DCHS2: variants seen among roughly 807,000 people sequenced by gnomAD.
DCHS2 encodes protocadherin-23.
A neutral mutation model predicts 182.4 loss-of-function variants in DCHS2; 142 were observed. That is an observed-to-expected ratio of 0.78 (90% CI 0.68 to 0.89). The LOEUF (loss-of-function observed/expected upper bound fraction) is 0.89. Ranked by LOEUF, DCHS2 falls within the 40% of genes least tolerant of loss-of-function variation. DCHS2 has a pLI of 0.00. For synonymous variants in DCHS2, 1,740 were observed against 1,663.3 expected, an observed-to-expected ratio of 1.05 and a Z score of -1.12; for missense variants, 4,319 against 4,198.6, an observed-to-expected ratio of 1.03 and a Z score of -0.79.
At chr4:154,388,661 A>AT (rs1238072422) in intron 1 of DCHS2, among the ~76,000 whole-genome samples, 3 of 151,462 alleles carry the variant, frequency 2.0e-5, no homozygotes, top group African/African-American at 4.8e-5. Context: ...CGGCTGTCTA[A>AT]TTTTTTTTAT....
intron 17 of DCHS2, 110 bp downstream of exon 17, chr4:154,242,532 C>T: frequency 7.2e-7 from 1 of 1,384,598 alleles, no homozygotes; most frequent in Non-Finnish European, 9.4e-7. Flanking sequence ...ATCTAGTTTG[C>T]TTGGTTGTTG....
intron 1 of DCHS2, among the ~76,000 whole-genome samples, chr4:154,406,782 T>A (rs149618159): frequency 6.6e-6 from 1 of 152,238 alleles, no homozygotes; most frequent in South Asian, 2.1e-4. Flanking sequence ...TGCTATTGTG[T>A]TGGACAACAT....
chr4:154,484,441 C>A (rs780483070), intron 1 of DCHS2, among the ~76,000 whole-genome samples: 3 of 152,196 alleles, frequency 2.0e-5, no homozygotes, highest in African/African-American at 4.8e-5. Context: ...TGCGCAAACA[C>A]TGATATCTCC....
intron 14 of DCHS2, among the ~76,000 whole-genome samples, chr4:154,262,943 G>T (rs1246461796): frequency 6.6e-6 from 1 of 152,168 alleles, no homozygotes; most frequent in Non-Finnish European, 1.5e-5. Context: ...CACTAAAGTG[G>T]CATGAAGTTT....
intron 18 of DCHS2, 92 bp downstream of exon 18, chr4:154,240,445 T>C: frequency 1.4e-6 from 2 of 1,448,176 alleles, no homozygotes; most frequent in East Asian, 2.4e-5. Context: ...ATGCTGTCTA[T>C]CTGAATTAGT....
At chr4:154,270,761 A>C (rs1027218034) in intron 13 of DCHS2, among the ~76,000 whole-genome samples, 8 of 151,770 alleles carry the variant, frequency 5.3e-5, no homozygotes, top group African/African-American at 1.4e-4. Context: ...AGAGACATGG[A>C]CAGATTAAAG....
chr4:154,378,709 A>G (rs113358830), intron 1 of DCHS2, among the ~76,000 whole-genome samples: 10 of 152,324 alleles, frequency 6.6e-5, no homozygotes, highest in African/African-American at 2.4e-4. Flanking sequence ...CAAAGGTCAC[A>G]TAACGAATAA....
chr4:154,338,801 A>G lies in DCHS2; in HGVS notation c.2477-3697T>C, dbSNP rs1333191857. Among the ~76,000 whole-genome samples the G allele has an allele frequency of 2.6e-5, 4 of 152,180 alleles. No individual in the cohort carries two copies. The East Asian group carries it at 5.8e-4, about 22-fold the overall frequency. ...CATCTAGAAAGACTTTACACACTAC[A>G]TTTTATGTGAAAAACAAGTTGCAAA... On this transcript the variant is annotated intron_variant, in intron 3 of 19. Transcript: ENST00000357232.
intron 1 of DCHS2, among the ~76,000 whole-genome samples, chr4:154,426,196 T>C (rs1158847470): frequency 1.3e-5 from 2 of 152,166 alleles, no homozygotes; most frequent in Admixed American, 1.3e-4. Context: ...ACCAAAGTCC[T>C]TGAGTGACTA....
intron 1 of DCHS2, among the ~76,000 whole-genome samples, chr4:154,409,419 T>A (rs1273626384): frequency 6.6e-6 from 1 of 152,138 alleles, no homozygotes; most frequent in Non-Finnish European, 1.5e-5. Context: ...TAAATTGTGA[T>A]TGTACCCTGT....
chr4:154,258,367 C>CTTTTTTTTTT (rs771510956), intron 15 of DCHS2, among the ~76,000 whole-genome samples: 116 of 58,856 alleles, frequency 2.0e-3, no homozygotes, highest in Non-Finnish European at 2.3e-3. Context: ...AAAAGAAAGG[C>CTTTTTTTTTT]TTTTTTTTTT....
At chr4:154,402,710 A>C (rs571629953) in intron 1 of DCHS2, among the ~76,000 whole-genome samples, 1 of 152,306 alleles carries the variant, frequency 6.6e-6, no homozygotes, top group African/African-American at 2.4e-5. Flanking sequence ...TGCTAGAATA[A>C]GTTAAGACTT....
At chr4:154,432,046 G>C (rs938472868) in intron 1 of DCHS2, among the ~76,000 whole-genome samples, 2 of 152,162 alleles carry the variant, frequency 1.3e-5, no homozygotes, top group Non-Finnish European at 2.9e-5. Context: ...GTGCCACTTT[G>C]TCAGAAGTTA....
rs78721025 is a variant in DCHS2 at position 154,459,815 on chromosome 4, G to T, written c.2052+29489C>A. 4.0e-3 allele frequency among the ~76,000 whole-genome samples: 590 copies of T among 146,720 alleles called. 4 individuals carry two copies. The highest frequency in any genetic ancestry group is 6.7e-3 in the Non-Finnish European group (448 of 67,136). ...ATCTCCCTCTCTTTCTCTCGCTCAT[G>T]GTTTCCAACTTACAAAACCCAATCC... On this transcript the variant is annotated intron_variant, in intron 1 of 19. Transcript: ENST00000357232.
At chr4:154,474,507 GGA>G (rs1230770566) in intron 1 of DCHS2, among the ~76,000 whole-genome samples, 1 of 152,180 alleles carries the variant, frequency 6.6e-6, no homozygotes, top group Non-Finnish European at 1.5e-5. Context: ...GCTCCCTACA[GGA>G]GAGACTGAGG....
chr4:154,436,810 G>A (rs779243378), intron 1 of DCHS2, among the ~76,000 whole-genome samples: 5 of 152,026 alleles, frequency 3.3e-5, no homozygotes, highest in Non-Finnish European at 7.4e-5. Flanking sequence ...TGCACATGGA[G>A]GTATATTGTA....
chr4:154,390,093 ATTTT>A (rs200820824), intron 1 of DCHS2, among the ~76,000 whole-genome samples: 1 of 148,196 alleles, frequency 6.7e-6, no homozygotes, highest in African/African-American at 2.5e-5. Flanking sequence ...CTTTTTTTTT[ATTTT>A]TTTAAATTTT....
intron 1 of DCHS2, among the ~76,000 whole-genome samples, chr4:154,381,279 C>T (rs940568353): frequency 1.3e-5 from 2 of 152,036 alleles, no homozygotes; most frequent in African/African-American, 4.8e-5. Flanking sequence ...CTATCTTTCA[C>T]AAGTTTGATG....
intron 3 of DCHS2, among the ~76,000 whole-genome samples, chr4:154,346,318 G>T (rs1336357030): frequency 1.3e-5 from 2 of 152,114 alleles, no homozygotes; most frequent in African/African-American, 4.8e-5. Context: ...ATAGACAATA[G>T]AACGGAACAG....
Sources: allele counts gnomAD v4.1 joint callset (sites outside exome capture counted in the v4.1 genomes callset), GRCh38; gene constraint gnomAD v4.1.1; transcripts MANE v1.5; gene names NCBI Gene and HGNC (gene_info 2026-07-23, HGNC 2026-07-21).